EFNA5: variants seen among roughly 807,000 people sequenced by gnomAD.
The protein encoded by EFNA5 is ephrin A5.
Under a neutral mutation model 22.9 loss-of-function variants are expected in EFNA5, and 5 were observed. That is an observed-to-expected ratio of 0.22 (90% CI 0.11 to 0.46). The LOEUF (loss-of-function observed/expected upper bound fraction) is 0.46. Among genes scored for constraint, EFNA5 ranks in the 20% least tolerant of loss-of-function variants. The pLI is 0.99. For synonymous variants in EFNA5, 113 were observed against 112.2 expected (o/e 1.01, Z -0.04); for missense variants, 237 against 293.3 (o/e 0.81, Z 1.40).
intron 1 of EFNA5, among the ~76,000 whole-genome samples, chr5:107,438,777 G>T (rs1318902191): frequency 1.3e-5 from 2 of 152,186 alleles, no homozygotes; most frequent in Non-Finnish European, 2.9e-5. Context: ...ATATCTGGGG[G>T]TTAGAAATCT....
intron 2 of EFNA5, among the ~76,000 whole-genome samples, chr5:107,391,503 G>A (rs959669560): frequency 6.6e-6 from 1 of 152,076 alleles, no homozygotes; most frequent in Admixed American, 6.6e-5. Flanking sequence ...AAAAGAGGCA[G>A]TGACTTGCAA....
At chr5:107,452,201 A>C (rs1749577534) in intron 1 of EFNA5, among the ~76,000 whole-genome samples, 1 of 152,016 alleles carries the variant, frequency 6.6e-6, no homozygotes, top group Non-Finnish European at 1.5e-5. Flanking sequence ...AACACACACC[A>C]GGGCCTTTTA....
intron 1 of EFNA5, among the ~76,000 whole-genome samples, chr5:107,476,335 G>A (rs964908915): frequency 4.6e-5 from 7 of 151,702 alleles, no homozygotes; most frequent in Admixed American, 2.0e-4. Flanking sequence ...TTACAGGAGT[G>A]AGCCACTGTG....
chr5:107,410,182 C>T (rs959544306), intron 2 of EFNA5, among the ~76,000 whole-genome samples: 3 of 151,974 alleles, frequency 2.0e-5, no homozygotes, highest in African/African-American at 7.3e-5. Flanking sequence ...CACCCGCCAC[C>T]ACACCCGGCT....
At chr5:107,391,809 C>G (rs968777899) in intron 2 of EFNA5, among the ~76,000 whole-genome samples, 7 of 152,164 alleles carry the variant, frequency 4.6e-5, no homozygotes, top group Admixed American at 2.6e-4. Context: ...CAATCAAAAC[C>G]TTTTAACACA....
chr5:107,646,154 A>G (rs540395753), intron 1 of EFNA5, among the ~76,000 whole-genome samples: 1 of 152,356 alleles, frequency 6.6e-6, no homozygotes, highest in Admixed American at 6.5e-5. Flanking sequence ...ATAGGAAAAG[A>G]GTACGCAGTT....
At chr5:107,482,284 T>C (rs1393338629) in intron 1 of EFNA5, among the ~76,000 whole-genome samples, 1 of 146,334 alleles carries the variant, frequency 6.8e-6, no homozygotes, top group African/African-American at 2.5e-5. Flanking sequence ...CCAGCCTGGG[T>C]GACAAAATGA....
chr5:107,658,075 T>C (rs934672679), intron 1 of EFNA5, among the ~76,000 whole-genome samples: 1 of 152,158 alleles, frequency 6.6e-6, no homozygotes, highest in African/African-American at 2.4e-5. Flanking sequence ...AAAGAACGCA[T>C]TTTGTCCCAA....
At chr5:107,624,615 C>T (rs1236625986) in intron 1 of EFNA5, among the ~76,000 whole-genome samples, 1 of 152,098 alleles carries the variant, frequency 6.6e-6, no homozygotes, top group East Asian at 1.9e-4. Flanking sequence ...ACTTCAACAA[C>T]TTGATAGTGA....
chr5:107,487,448 C>G (rs1746663364), intron 1 of EFNA5, among the ~76,000 whole-genome samples: 1 of 152,144 alleles, frequency 6.6e-6, no homozygotes, highest in Non-Finnish European at 1.5e-5. Flanking sequence ...CAGTATCTGA[C>G]AAGCAGTTAG....
chr5:107,397,789 G>A (rs1050231055), intron 2 of EFNA5, among the ~76,000 whole-genome samples: 4 of 152,136 alleles, frequency 2.6e-5, no homozygotes, highest in Admixed American at 6.5e-5. Flanking sequence ...GGAGGGAGTC[G>A]TTAGATACCA....
intron 1 of EFNA5, among the ~76,000 whole-genome samples, chr5:107,436,876 A>T (rs1749124345): frequency 6.6e-6 from 1 of 152,152 alleles, no homozygotes; most frequent in South Asian, 2.1e-4. Flanking sequence ...AAGAGAGGAG[A>T]GTTACCCAGC....
At chr5:107,645,774 G>T (rs982001265) in intron 1 of EFNA5, among the ~76,000 whole-genome samples, 9 of 152,152 alleles carry the variant, frequency 5.9e-5, no homozygotes, top group African/African-American at 1.9e-4. Context: ...AACAATAAAA[G>T]ACTTATTCTA....
rs960615219 is a variant in EFNA5 at position 107,573,498 on chromosome 5, C to A, written c.125+96991G>T. On this transcript the variant is annotated intron_variant, in intron 1 of 4. Coordinates refer to ENST00000333274, the MANE Select transcript of EFNA5 (RefSeq NM_001962.3). ...TGTTTCTTCATGCTCCTTATGCAAG[C>A]AGAAGACTGTCCAGGTAAAATGAGA... Among the ~76,000 whole-genome samples, 6 of 151,790 alleles carry A rather than the reference C, an allele frequency of 4.0e-5. No individual in the cohort carries two copies. The South Asian group carries it at 8.3e-4, about 21-fold the overall frequency.
intron 1 of EFNA5, among the ~76,000 whole-genome samples, chr5:107,662,703 T>C (rs1392915404): frequency 6.6e-6 from 1 of 151,760 alleles, no homozygotes; most frequent in Non-Finnish European, 1.5e-5. Context: ...ATAACGCATC[T>C]TAACCCCAAC....
intron 1 of EFNA5, among the ~76,000 whole-genome samples, chr5:107,666,325 A>G (rs1561464561): frequency 6.6e-6 from 1 of 152,274 alleles, no homozygotes; most frequent in East Asian, 1.9e-4. Context: ...TTAGGAAAAA[A>G]AAAATGTTAC....
At chr5:107,450,240 AC>A (rs1011569082) in intron 1 of EFNA5, among the ~76,000 whole-genome samples, 1 of 152,160 alleles carries the variant, frequency 6.6e-6, no homozygotes, top group African/African-American at 2.4e-5. Flanking sequence ...CTTTTTAAGC[AC>A]CCTGGGACCT....
intron 1 of EFNA5, among the ~76,000 whole-genome samples, chr5:107,600,393 T>G (rs1478518894): frequency 1.3e-5 from 2 of 152,188 alleles, no homozygotes; most frequent in Non-Finnish European, 2.9e-5. Flanking sequence ...TGGCCACTGA[T>G]GACTATTCAC....
chr5:107,511,417 T>C (rs918701835), intron 1 of EFNA5, among the ~76,000 whole-genome samples: 12 of 152,134 alleles, frequency 7.9e-5, no homozygotes, highest in Non-Finnish European at 1.6e-4. Flanking sequence ...AGTAAATGGA[T>C]GTATGGAATA....
Sources: gnomAD v4.1 joint callset for allele counts (sites outside exome capture counted in the v4.1 genomes callset) on GRCh38, gnomAD v4.1.1 for gene constraint, MANE v1.5 for transcripts, NCBI Gene and HGNC (gene_info 2026-07-23, HGNC 2026-07-21) for gene names.